Variants in KCNS1 observed in about 807,000 individuals in gnomAD.
KCNS1 encodes delayed-rectifier potassium channel regulatory subunit KCNS1.
Under a neutral mutation model 33.1 loss-of-function variants are expected in KCNS1, and 26 were observed. The observed-to-expected ratio is 0.79, with a 90% CI of 0.58 to 1.09. The LOEUF (loss-of-function observed/expected upper bound fraction) is 1.09. KCNS1 is among the 50% of genes least tolerant of loss of function. The probability of loss-of-function intolerance (pLI) is 0.00; values close to 1 mark genes in which losing one functional copy is unlikely to be tolerated. For missense variants in KCNS1, 702 were observed against 752.4 expected (o/e 0.93, Z 0.78); for synonymous variants, 299 against 338.8 (o/e 0.88, Z 1.29).
chr20:45,099,492 A>C (rs187639619), intron 1 of KCNS1, among the ~76,000 whole-genome samples: 15 of 152,284 alleles, frequency 9.9e-5, no homozygotes, highest in African/African-American at 3.4e-4. Context: ...GTGAAATGGA[A>C]ATAAAAATAT....
rs1600602462 is a variant in KCNS1, at chr20:45,098,884, A to G, written c.77-189T>C. Among the ~76,000 whole-genome samples, 3 of 152,206 alleles carry G rather than the reference A, an allele frequency of 2.0e-5. No individual in the cohort carries two copies. The South Asian group carries it at 6.2e-4, about 32-fold the overall frequency. On this transcript the variant is annotated intron_variant, in intron 2 of 3. Transcript: ENST00000537075. The surrounding 1 kb of genome is among the most constrained non-coding windows in gnomAD (Gnocchi z 5.2). The stretch of plus-strand genomic sequence containing the variant: ...CTCAGAGTCAGGCCTGGCTTTGACT[A>G]TCCTTCATCCCCATCATTTGACTTT...
chr20:45,096,094 C>T (rs949012225), intron 3 of KCNS1, among the ~76,000 whole-genome samples: 2 of 152,224 alleles, frequency 1.3e-5, no homozygotes, highest in East Asian at 1.9e-4. Flanking sequence ...AACCCCTAGT[C>T]TAAAGCAGAG....
chr20:45,097,588 G>T, intron 3 of KCNS1, 74 bp downstream of exon 3: 6 of 1,428,446 alleles, frequency 4.2e-6, no homozygotes, highest in Non-Finnish European at 5.7e-6. Flanking sequence ...CGGCAGGCTT[G>T]TAAGTTCACC....
intron 3 of KCNS1, among the ~76,000 whole-genome samples, chr20:45,096,270 G>A (rs560776666): frequency 1.5e-3 from 234 of 152,282 alleles, no homozygotes; most frequent in African/African-American, 5.0e-3. Context: ...CTCTCATCTG[G>A]AGTATATTAC....
In KCNS1 at chr20:45,098,628, G is replaced by C; in HGVS notation, c.144C>G (p.Ser48Arg). ...CCACGTTCACGCGCAGCGCCTCGTC[G>C]CTTCGCCGCCAGCGGATCCCGGTGT... Reference protein sequence around the residue: ...GPDTGIRWRRSDEALRVNVGG... With the variant: ...GPDTGIRWRRRDEALRVNVGG... The change falls in exon 3 of 4, where the codon AGC (serine) becomes AGG (arginine). Residue 48 changes from serine to arginine, a missense_variant. This residue lies in a region of KCNS1 where 374 missense variants were observed against 352.3 expected (regional missense o/e 1.06). Transcript: ENST00000537075. The surrounding 1 kb of genome is among the most constrained non-coding windows in gnomAD (Gnocchi z 5.2). The C allele has an allele frequency of 6.8e-7, 1 of 1,474,594 alleles. No homozygotes were observed. Among genetic ancestry groups the C allele is most frequent in the Non-Finnish European group, 9.0e-7 (1 of 1,113,626 alleles). 91.3% of individuals were successfully genotyped at this position (1,474,594 alleles called of 1,614,324 possible). A position where few individuals can be genotyped will look rare whatever the true frequency, so the allele number is the denominator to read the frequency against.
At chr20:45,099,943 G>A (rs1177936133) in intron 1 of KCNS1, among the ~76,000 whole-genome samples, 1 of 152,228 alleles carries the variant, frequency 6.6e-6, no homozygotes, top group Non-Finnish European at 1.5e-5. Context: ...GCATTAAATG[G>A]ATTTGGGGTT....
chr20:45,100,676 T>A (rs984806174), intron 1 of KCNS1, among the ~76,000 whole-genome samples: 1 of 152,186 alleles, frequency 6.6e-6, no homozygotes, highest in Non-Finnish European at 1.5e-5. Context: ...CATGCACACC[T>A]CACTCGGTTT....
rs35456522 is a variant in KCNS1, at chr20:45,098,802, G to C, written c.77-107C>G. On this transcript the variant is annotated intron_variant, in intron 2 of 3. Transcript: ENST00000537075. The surrounding 1 kb of genome is among the most constrained non-coding windows in gnomAD (Gnocchi z 5.2). ...AACCAGCCAAGGGGTGTTGGAGGCT[G>C]TGTGTGAAGCATCTGGTATGCAGGA... is the stretch of plus-strand genomic sequence containing the variant. 0.26 allele frequency: 283,195 copies of C among 1,070,026 alleles called. 39,403 individuals are homozygous for C. Among genetic ancestry groups the C allele is most frequent in the African/African-American group, 0.34 (20,287 of 60,230 alleles). The allele number at this position is 1,070,026 out of a possible 1,614,324, so 66.3% of individuals were successfully genotyped here.
In KCNS1 at chr20:45,095,344, A is replaced by C; in HGVS notation, c.1111-4T>G. The C allele has an allele frequency of 6.2e-7, 1 of 1,609,242 alleles. No individual in the cohort carries two copies. The highest frequency in any genetic ancestry group is 8.5e-7 in the Non-Finnish European group (1 of 1,177,370). On this transcript the variant is annotated splice_polypyrimidine_tract_variant and splice_region_variant and intron_variant, in intron 3 of 3. Coordinates refer to ENST00000537075, the MANE Select transcript of KCNS1 (RefSeq NM_001322799.2). ...TGCCCACCTCACGGTAGCTGTGCTG[A>C]AAGAGAATGTAGAAAGCCAAGTCAG...
Position 45,093,029 on chromosome 20 carries a change from A to G in KCNS1, c.*1841T>C, listed in dbSNP as rs1188551531. On this transcript the variant is annotated 3_prime_UTR_variant, in exon 4 of 4. Transcript: ENST00000537075. ...ATCTCTTGAGACTAGTAAGCAGCCC[A>G]TAAGTCAGAAGCCAGTATATCAGAG... 6.6e-6 allele frequency: 1 copy of G among 152,122 alleles called. No individual in the cohort carries two copies. The highest frequency in any genetic ancestry group is 1.9e-4 in the East Asian group (1 of 5,180). The allele number at this position is 152,122 out of a possible 1,614,324, so 9.4% of individuals were successfully genotyped here.
Position 45,095,273 on chromosome 20 carries a change from A to G in KCNS1, c.1178T>C (p.Val393Ala), listed in dbSNP as rs768240334. 6 of 1,614,022 alleles carry G rather than the reference A, an allele frequency of 3.7e-6. No homozygotes were observed. ...LAVGVSVFSGVAYTAEKEEDV... is the reference protein window; with the variant it reads ...LAVGVSVFSGAAYTAEKEEDV... ...CTCCTCCTTTTCAGCTGTGTAGGCC[A>G]CACCAGAGAACACTGACACACCCAC... The change falls in exon 4 of 4, where the codon GTG (valine) becomes GCG (alanine). Residue 393 changes from valine (V) to alanine (A), a missense_variant. Around this residue, in one of 3 missense-constraint regions of KCNS1, gnomAD observed 253 missense variants for 327.4 expected, o/e 0.77. Transcript: ENST00000537075.
rs1338221257 is a variant in KCNS1 at position 45,094,761 on chromosome 20, T to C, written c.*109A>G. 1.1e-6 allele frequency: 1 copy of C among 901,966 alleles called. No homozygotes were observed. Among genetic ancestry groups the C allele is most frequent in the Non-Finnish European group, 1.7e-6 (1 of 576,066 alleles). The allele number at this position is 901,966 out of a possible 1,614,324, so 55.9% of individuals were successfully genotyped here. On this transcript the variant is annotated 3_prime_UTR_variant, in exon 4 of 4. Coordinates refer to ENST00000537075, the MANE Select transcript of KCNS1 (RefSeq NM_001322799.2). ...GAAGGAATGCAGCTTTTGAATCTCA[T>C]TTCTCAGGACAGCATGAGTGATCCT...
intron 1 of KCNS1, among the ~76,000 whole-genome samples, chr20:45,100,588 A>G (rs1305916953): frequency 1.3e-5 from 2 of 152,156 alleles, no homozygotes; most frequent in African/African-American, 4.8e-5. Flanking sequence ...AAGGTTGGAG[A>G]CCAGGTTTTT....
At position 45,095,034 on chromosome 20, in the gene KCNS1, C is replaced by G; in HGVS notation, c.1417G>C (p.Ala473Pro). 2 of 1,613,804 alleles carry G rather than the reference C, an allele frequency of 1.2e-6. No individual in the cohort carries two copies. Among genetic ancestry groups the G allele is most frequent in the Non-Finnish European group, 1.7e-6 (2 of 1,179,988 alleles). The change falls in exon 4 of 4, where the codon GCC becomes CCC. Residue 473 changes from alanine to proline, a missense_variant. Ala to Pro is a conservative substitution (Grantham distance 27, BLOSUM62 -1). Coordinates refer to ENST00000537075, the MANE Select transcript of KCNS1 (RefSeq NM_001322799.2). ...FYRRQKALEA[A>P]VRNSNHQEFE... ...TCTTGGTGGTTGCTGTTGCGCACGG[C>G]TGCCTCCAGAGCCTTCTGGCGCCGG... is the stretch of plus-strand genomic sequence containing the variant.
In KCNS1 at chr20:45,093,173, A is replaced by T. The variant is rs1390563358; in HGVS notation, c.*1697T>A. ...GGCATTCAGATTCTTAAAATATAAT[A>T]AAAACACTGTTGGACTAAGCCGAAA... On this transcript the variant is annotated 3_prime_UTR_variant, in exon 4 of 4. Coordinates refer to ENST00000537075, the MANE Select transcript of KCNS1 (RefSeq NM_001322799.2). 1 of 152,156 alleles carries T rather than the reference A, an allele frequency of 6.6e-6. No homozygotes were observed. 9.4% of individuals were successfully genotyped at this position (152,156 alleles called of 1,614,324 possible). A position where few individuals can be genotyped will look rare whatever the true frequency, so the allele number is the denominator to read the frequency against.
chr20:45,098,671 C>G lies in KCNS1; in HGVS notation c.101G>C (p.Ser34Thr), dbSNP rs1300041873. 8 of 1,449,246 alleles carry G rather than the reference C, an allele frequency of 5.5e-6. No individual in the cohort carries two copies. Among genetic ancestry groups the G allele is most frequent in the Non-Finnish European group, 6.3e-6 (7 of 1,105,018 alleles). The allele number at this position is 1,449,246 out of a possible 1,614,324, so 89.8% of individuals were successfully genotyped here. A position where few individuals can be genotyped will look rare whatever the true frequency, so the allele number is the denominator to read the frequency against. ...LGGRSTETFVSEFPGPDTGIR... is the reference protein window; with the variant it reads ...LGGRSTETFVTEFPGPDTGIR... ...CCCGGTGTCGGGGCCCGGGAACTCGCTCACAAAGGTTTCAGTGCTCCTCCC... is the reference window on the plus strand; with the variant it reads ...CCCGGTGTCGGGGCCCGGGAACTCGGTCACAAAGGTTTCAGTGCTCCTCCC... Residue 34 changes from serine to threonine, a missense_variant, in exon 3 of 4, where the codon AGC (serine) becomes ACC (threonine). Coordinates refer to ENST00000537075, the MANE Select transcript of KCNS1 (RefSeq NM_001322799.2). This position sits in a 1 kb window ranked among gnomAD's most constrained non-coding sequence, Gnocchi z 5.2.
rs1981147692 is a variant in KCNS1, at chr20:45,095,253, CCTT to C, written c.1195_1197del (p.Lys399del). 6.2e-7 allele frequency: 1 copy of C among 1,614,170 alleles called. No individual in the cohort carries two copies. Among genetic ancestry groups the C allele is most frequent in the East Asian group, 2.2e-5 (1 of 44,884 alleles). On this transcript the variant is annotated inframe_deletion, in exon 4 of 4. Transcript: ENST00000537075. ...ATGGTGTTAAAGCCCACGTCCTCCT[CCTT>C]TTCAGCTGTGTAGGCCACACCAGAG...
In KCNS1 at chr20:45,097,991, G is replaced by C. The variant is rs1568791466; in HGVS notation, c.781C>G (p.Arg261Gly). Residue 261 changes from arginine (R) to glycine (G), a missense_variant, in exon 3 of 4, where the codon CGC becomes GGC. Physicochemically the swap from Arg to Gly is moderately radical, Grantham distance 125. Around this residue, in one of 3 missense-constraint regions of KCNS1, gnomAD observed 253 missense variants for 327.4 expected, o/e 0.77. Coordinates refer to ENST00000537075, the MANE Select transcript of KCNS1 (RefSeq NM_001322799.2). ...TCGTCGCGCACGCCTTCCGGGCTGC[G>C]GCCCGCGGCCACCGCAGCCACGGCG... ...AAAVAAVAAG[R>G]SPEGVRDDPV... The C allele has an allele frequency of 6.5e-7, 1 of 1,534,132 alleles. No individual in the cohort carries two copies. The highest frequency in any genetic ancestry group is 8.8e-7 in the Non-Finnish European group (1 of 1,141,188).
Position 45,097,879 on chromosome 20 carries a change from C to T in KCNS1, c.893G>A (p.Arg298His). The change falls in exon 3 of 4, where the codon CGC becomes CAC. Residue 298 changes from arginine (R) to histidine (H), a missense_variant. Physicochemically the swap from Arg to His is conservative, Grantham distance 29. Coordinates refer to ENST00000537075, the MANE Select transcript of KCNS1 (RefSeq NM_001322799.2). ...SSRLLLAPSTRNFFCHPLNLI... is the reference protein window; with the variant it reads ...SSRLLLAPSTHNFFCHPLNLI... The stretch of plus-strand genomic sequence containing the variant: ...GTTGAGCGGGTGGCAGAAGAAGTTG[C>T]GCGTACTGGGCGCCAGCAGGAGGCG... 1.2e-6 allele frequency: 2 copies of T among 1,611,772 alleles called. No homozygotes were observed. Among genetic ancestry groups the T allele is most frequent in the Non-Finnish European group, 1.7e-6 (2 of 1,179,150 alleles).
Sources: gnomAD v4.1 joint callset for allele counts (sites outside exome capture counted in the v4.1 genomes callset) on GRCh38, gnomAD v4.1.1 for gene constraint, gnomAD v4.1.1 regional missense constraint, Gnocchi (gnomAD v3.1) non-coding constraint, MANE v1.5 for transcripts, NCBI Gene and HGNC (gene_info 2026-07-23, HGNC 2026-07-21) for gene names.